The following NAV3 variants were observed in gnomAD, a reference collection of about 807,000 sequenced individuals.
NAV3 encodes the protein neuron navigator 3, also known as pore membrane and/or filament interacting like protein 1.
A neutral mutation model predicts 244.7 loss-of-function variants in NAV3; 87 were observed. The ratio of observed to expected loss-of-function variants is 0.36; its 90% CI spans 0.30 to 0.42. NAV3 has a LOEUF of 0.42. NAV3 is among the 20% of genes least tolerant of loss of function. NAV3 has a pLI of 1.00. For synonymous variants in NAV3, 1,126 were observed against 1,042.2 expected (o/e 1.08, Z -1.55); for missense variants, 2,663 against 2,893.3 (o/e 0.92, Z 1.83).
intron 2 of NAV3, among the ~76,000 whole-genome samples, chr12:77,575,754 A>G (rs999303631): frequency 6.6e-6 from 1 of 152,150 alleles, no homozygotes; most frequent in Non-Finnish European, 1.5e-5. Flanking sequence ...ACAACCCTGG[A>G]ACACTGTTTT....
intron 18 of NAV3, chr12:78,130,826 T>C (rs187373100): frequency 1.9e-4 from 35 of 182,746 alleles, no homozygotes; most frequent in Admixed American, 4.9e-4. Flanking sequence ...TTGAAACTCA[T>C]TGGTTACTTC....
At chr12:78,129,509 A>G (rs916321007) in intron 18 of NAV3, among the ~76,000 whole-genome samples, 1 of 152,206 alleles carries the variant, frequency 6.6e-6, no homozygotes, top group Non-Finnish European at 1.5e-5. Flanking sequence ...CTTTGTATTT[A>G]ACATCATTTG....
intron 3 of NAV3, among the ~76,000 whole-genome samples, chr12:77,965,030 A>T (rs1192515239): frequency 6.6e-6 from 1 of 152,158 alleles, no homozygotes; most frequent in African/African-American, 2.4e-5. Flanking sequence ...CATTGGCAGA[A>T]CTCTGTGTGT....
chr12:78,040,069 A>T (rs770115), intron 9 of NAV3, among the ~76,000 whole-genome samples: 9,520 of 152,186 alleles, frequency 0.063, 361 homozygotes, highest in Non-Finnish European at 0.088. Context: ...AGACTTTGCA[A>T]TTGTGTTTTT....
At chr12:78,130,990 T>C (rs527365010) in intron 18 of NAV3, 245 of 157,090 alleles carry the variant, frequency 1.6e-3, no homozygotes, top group African/African-American at 5.5e-3. Context: ...AGAAGCACCG[T>C]GGGTCCTCAA....
At chr12:77,610,995 GA>G (rs36066459) in intron 2 of NAV3, among the ~76,000 whole-genome samples, 15,213 of 130,020 alleles carry the variant, frequency 0.12, 886 homozygotes, top group Middle Eastern at 0.18. Context: ...ACCTCCATTA[GA>G]AAAAAAAAAA....
At chr12:77,695,399 A>C (rs1875249215) in intron 2 of NAV3, among the ~76,000 whole-genome samples, 1 of 152,160 alleles carries the variant, frequency 6.6e-6, no homozygotes, top group African/African-American at 2.4e-5. Flanking sequence ...CCATTTATTG[A>C]AGAGACTGTC....
chr12:77,901,757 G>C (rs764337828), intron 1 of NAV3, among the ~76,000 whole-genome samples: 6 of 152,028 alleles, frequency 3.9e-5, no homozygotes, highest in Non-Finnish European at 5.9e-5. Context: ...ATTCTTCTTC[G>C]TATGGCCCAT....
At chr12:77,956,039 T>A (rs976587845) in intron 3 of NAV3, among the ~76,000 whole-genome samples, 3 of 152,112 alleles carry the variant, frequency 2.0e-5, no homozygotes, top group African/African-American at 7.2e-5. Flanking sequence ...AACCAATAAT[T>A]GTTAAATGAA....
intron 9 of NAV3, among the ~76,000 whole-genome samples, chr12:78,044,872 C>T (rs1881499689): frequency 6.6e-6 from 1 of 152,176 alleles, no homozygotes; most frequent in Non-Finnish European, 1.5e-5. Context: ...ATGTCATCTG[C>T]AAACAGAGAC....
At position 77,773,133 on chromosome 12, in the gene NAV3, A is replaced by G. The variant is rs899016732; in HGVS notation, c.73-167186A>G. Among the ~76,000 whole-genome samples the G allele has an allele frequency of 3.9e-5, 6 of 152,290 alleles. No homozygotes were observed. In the South Asian group the frequency reaches 1.0e-3, roughly 26 times the overall value. On this transcript the variant is annotated intron_variant, in intron 2 of 8. Coordinates refer to the NAV3 transcript ENST00000550042. The stretch of plus-strand genomic sequence containing the variant: ...ATTCTGTGAGATTTATTTGGTTGGC[A>G]TGCCCTTCAGTAATAAACAATCAGA...
At chr12:77,755,723 C>CTCTT (rs1336780955) in intron 2 of NAV3, among the ~76,000 whole-genome samples, 1 of 144,208 alleles carries the variant, frequency 6.9e-6, no homozygotes, top group Non-Finnish European at 1.5e-5. Context: ...TTTTCTTTCT[C>CTCTT]TCTTTCTTTC....
rs745550886 is a variant in NAV3 at position 78,210,407 on chromosome 12, C to G, written c.7048C>G (p.Leu2350Val). Reference sequence around the variant, plus strand: ...TTTTTTCTTTCTTCAGATGAATATGCTAATGAAACTCCAAGAAGCAGCCAA... The same window carrying G: ...TTTTTTCTTTCTTCAGATGAATATGGTAATGAAACTCCAAGAAGCAGCCAA... ...DTEGDPLMNM[L>V]MKLQEAANYS... is the part of the protein sequence containing the mutation. Residue 2350 changes from leucine to valine, a missense_variant, in exon 40 of 40, where the codon CTA becomes GTA. By Grantham distance (32) the Leu-to-Val change is conservative (BLOSUM62 1). Around this residue, in one of 6 missense-constraint regions of NAV3, gnomAD observed 543 missense variants for 672.4 expected, o/e 0.81. Coordinates refer to ENST00000397909, the MANE Select transcript of NAV3 (RefSeq NM_001024383.2). 3.1e-6 allele frequency: 5 copies of G among 1,613,464 alleles called. No homozygotes were observed. The highest frequency in any genetic ancestry group is 1.3e-5 in the African/African-American group (1 of 74,982).
At chr12:77,759,143 T>G (rs1869340480) in intron 2 of NAV3, among the ~76,000 whole-genome samples, 2 of 152,176 alleles carry the variant, frequency 1.3e-5, no homozygotes, top group Admixed American at 6.5e-5. Context: ...ATCCCTATAT[T>G]GGTTATTGAT....
At chr12:78,004,223 G>C (rs1873811653) in intron 7 of NAV3, among the ~76,000 whole-genome samples, 1 of 151,946 alleles carries the variant, frequency 6.6e-6, no homozygotes, top group Non-Finnish European at 1.5e-5. Context: ...GATTATTATG[G>C]GTTTAAATGA....
chr12:77,827,743 C>T (rs1264335586), upstream of NAV3, among the ~76,000 whole-genome samples: 2 of 152,160 alleles, frequency 1.3e-5, no homozygotes, highest in African/African-American at 4.8e-5. Context: ...ATCTTAACAA[C>T]ATCATACATT....
At chr12:78,176,495 A>T in intron 26 of NAV3, 36 bp downstream of exon 26, 1 of 1,610,334 alleles carries the variant, frequency 6.2e-7, no homozygotes, top group Non-Finnish European at 8.5e-7. Flanking sequence ...GCATGCATCT[A>T]TAAAAAAACC....
chr12:77,992,339 G>A (rs1871589416), intron 5 of NAV3, among the ~76,000 whole-genome samples: 1 of 152,134 alleles, frequency 6.6e-6, no homozygotes, highest in Non-Finnish European at 1.5e-5. Flanking sequence ...GAAAACATAG[G>A]TACAAATGGA....
intron 2 of NAV3, among the ~76,000 whole-genome samples, chr12:77,713,789 G>T (rs1876232571): frequency 6.6e-6 from 1 of 152,024 alleles, no homozygotes; most frequent in Non-Finnish European, 1.5e-5. Context: ...AGTGGCTAAG[G>T]TCATAGACAC....
Sources: gnomAD v4.1 joint callset for allele counts (sites outside exome capture counted in the v4.1 genomes callset) on GRCh38, gnomAD v4.1.1 for gene constraint, gnomAD v4.1.1 regional missense constraint, MANE v1.5 for transcripts, NCBI Gene and HGNC (gene_info 2026-07-23, HGNC 2026-07-21) for gene names.